Variants in NRXN3 observed in about 807,000 individuals in gnomAD.
NRXN3 encodes the protein neurexin III.
Under a neutral mutation model 137.6 loss-of-function variants are expected in NRXN3, and 32 were observed. That is an observed-to-expected ratio of 0.23 (90% CI 0.18 to 0.31). NRXN3 has a LOEUF of 0.31. Ranked by LOEUF, NRXN3 falls within the 10% of genes least tolerant of loss-of-function variation. The pLI is 1.00. For synonymous variants in NRXN3, 798 were observed against 784.5 expected (o/e 1.02, Z -0.29); for missense variants, 1,574 against 2,062.5 (o/e 0.76, Z 4.59).
chr14:78,524,551 A>AG, intron 4 of NRXN3, among the ~76,000 whole-genome samples: 1 of 152,114 alleles, frequency 6.6e-6, no homozygotes, highest in Non-Finnish European at 1.5e-5. Context: ...CTTTTAGTGT[A>AG]GGGTGCAGGA....
intron 15 of NRXN3, among the ~76,000 whole-genome samples, chr14:79,363,601 G>T (rs372760108): frequency 8.0e-6 from 1 of 124,832 alleles, no homozygotes; most frequent in Non-Finnish European, 1.7e-5. Flanking sequence ...ACTTTCTTAA[G>T]AAAAAAAAAA....
intron 15 of NRXN3, among the ~76,000 whole-genome samples, chr14:79,252,797 T>C (rs2076109328): frequency 6.6e-6 from 1 of 152,190 alleles, no homozygotes; most frequent in South Asian, 2.1e-4. Flanking sequence ...AGCTAGAACA[T>C]ACCTTCCCTC....
chr14:78,457,842 A>G (rs1188654799), intron 4 of NRXN3, among the ~76,000 whole-genome samples: 1 of 152,184 alleles, frequency 6.6e-6, no homozygotes, highest in African/African-American at 2.4e-5. Flanking sequence ...ACTTATGGCA[A>G]ATACAGCAAT....
At chr14:78,407,986 G>A (rs953655166) in intron 4 of NRXN3, among the ~76,000 whole-genome samples, 4 of 152,160 alleles carry the variant, frequency 2.6e-5, no homozygotes, top group Non-Finnish European at 5.9e-5. Flanking sequence ...ACAGGCCTGA[G>A]TTCTCAATCT....
At chr14:79,842,809 A>G (rs2099358921) in intron 20 of NRXN3, among the ~76,000 whole-genome samples, 1 of 152,182 alleles carries the variant, frequency 6.6e-6, no homozygotes, top group Admixed American at 6.5e-5. Flanking sequence ...TACTAACTAC[A>G]GTCCTCTGCA....
At chr14:78,349,198 T>C (rs1339661336) in intron 4 of NRXN3, among the ~76,000 whole-genome samples, 1 of 152,242 alleles carries the variant, frequency 6.6e-6, no homozygotes, top group Non-Finnish European at 1.5e-5. Context: ...TGAAATGAGC[T>C]CATTGTGCCT....
intron 10 of NRXN3, among the ~76,000 whole-genome samples, chr14:78,835,071 C>T (rs1023014744): frequency 3.3e-5 from 5 of 152,058 alleles, no homozygotes; most frequent in African/African-American, 1.2e-4. Flanking sequence ...CTACTTATGT[C>T]AGTTGTTTAC....
intron 4 of NRXN3, among the ~76,000 whole-genome samples, chr14:78,504,588 G>A (rs2095945596): frequency 6.6e-6 from 1 of 152,116 alleles, no homozygotes; most frequent in South Asian, 2.1e-4. Flanking sequence ...AGCATTCCAG[G>A]TAATTCTGAT....
chr14:79,453,416 A>G (rs187903781), intron 15 of NRXN3, among the ~76,000 whole-genome samples: 111 of 152,406 alleles, frequency 7.3e-4, no homozygotes, highest in African/African-American at 2.5e-3. Context: ...CATTATGATT[A>G]CAACCACATG....
At chr14:79,390,056 G>A (rs1451552945) in intron 15 of NRXN3, among the ~76,000 whole-genome samples, 3 of 151,956 alleles carry the variant, frequency 2.0e-5, no homozygotes, top group Admixed American at 6.6e-5. Context: ...GGTGGCTCAC[G>A]CCTGTAATCC....
chr14:79,162,161 C>CT (rs2060844585), intron 15 of NRXN3, among the ~76,000 whole-genome samples: 1 of 145,596 alleles, frequency 6.9e-6, no homozygotes, highest in East Asian at 2.0e-4. Flanking sequence ...TATTATTATA[C>CT]TTTAAGTTTT....
chr14:79,565,342 TG>T (rs141155298), intron 16 of NRXN3, among the ~76,000 whole-genome samples: 6 of 100,724 alleles, frequency 6.0e-5, no homozygotes, highest in Admixed American at 1.8e-4. Context: ...TATATACATA[TG>T]TGTGCGTATA....
Position 79,606,143 on chromosome 14 carries a change from C to T in NRXN3, c.3445-57635C>T, listed in dbSNP as rs1049716675. On this transcript the variant is annotated intron_variant, in intron 16 of 20. Coordinates refer to ENST00000335750, the MANE Select transcript of NRXN3 (RefSeq NM_001330195.2). ...TAACAAATGTCTGTTTTGTTACCTC[C>T]GGATAAATCTTCATGATGAAATGTG... is the stretch of plus-strand genomic sequence containing the variant. Among the ~76,000 whole-genome samples, 4 of 152,286 alleles carry T rather than the reference C, an allele frequency of 2.6e-5. No individual in the cohort carries two copies. In the South Asian group the frequency reaches 6.2e-4, roughly 24 times the overall value.
chr14:78,489,603 C>T (rs1385781689), intron 4 of NRXN3, among the ~76,000 whole-genome samples: 1 of 152,158 alleles, frequency 6.6e-6, no homozygotes, highest in East Asian at 1.9e-4. Context: ...AGTCAAAACT[C>T]AAGCTAAGCT....
At chr14:78,719,750 G>A (rs933727468) in intron 8 of NRXN3, among the ~76,000 whole-genome samples, 14 of 152,186 alleles carry the variant, frequency 9.2e-5, no homozygotes, top group Admixed American at 2.6e-4. Context: ...GCTGAGGCAT[G>A]AGAATCACTT....
intron 8 of NRXN3, among the ~76,000 whole-genome samples, chr14:78,736,481 G>A (rs1706500696): frequency 1.3e-5 from 2 of 151,914 alleles, no homozygotes; most frequent in Admixed American, 6.6e-5. Context: ...CATTTTATTG[G>A]GCATGTACTA....
At chr14:78,194,734 T>G (rs2061068772) in intron 1 of NRXN3, among the ~76,000 whole-genome samples, 1 of 152,160 alleles carries the variant, frequency 6.6e-6, no homozygotes, top group Admixed American at 6.5e-5. Context: ...TGGCAGTAGT[T>G]GCAGAGGAGA....
intron 16 of NRXN3, among the ~76,000 whole-genome samples, chr14:79,588,007 T>G (rs540989813): frequency 7.8e-4 from 119 of 152,334 alleles, no homozygotes; most frequent in African/African-American, 2.8e-3. Context: ...GCTAGGTGAC[T>G]TATAGTCACC....
At chr14:78,391,998 GA>G (rs370599217) in intron 4 of NRXN3, among the ~76,000 whole-genome samples, 10 of 149,700 alleles carry the variant, frequency 6.7e-5, no homozygotes, top group African/African-American at 2.0e-4. Flanking sequence ...TGTGCTAAAG[GA>G]AAAAAAAATC....
Sources: gnomAD v4.1 joint callset for allele counts (sites outside exome capture counted in the v4.1 genomes callset) on GRCh38, gnomAD v4.1.1 for gene constraint, MANE v1.5 for transcripts, NCBI Gene and HGNC (gene_info 2026-07-23, HGNC 2026-07-21) for gene names.